The following SNTG1 variants were observed in gnomAD, a reference collection of about 807,000 sequenced individuals.
SNTG1 encodes the protein syntrophin gamma 1.
In SNTG1, 39 loss-of-function variants were observed where a neutral mutation model predicts 74.7. The ratio of observed to expected loss-of-function variants is 0.52; its 90% confidence interval spans 0.40 to 0.68. The LOEUF is 0.68. SNTG1 is among the 30% of genes least tolerant of loss of function. The pLI, the probability that SNTG1 is intolerant of heterozygous loss-of-function variation, is 0.00. For missense variants in SNTG1, 685 were observed against 609.5 expected, an observed-to-expected ratio of 1.12 and a Z score of -1.30; for synonymous variants, 254 against 217.1, an observed-to-expected ratio of 1.17 and a Z score of -1.49.
intron 2 of SNTG1, among the ~76,000 whole-genome samples, chr8:50,386,434 G>A (rs191332402): frequency 9.8e-5 from 10 of 102,262 alleles, no homozygotes; most frequent in Admixed American, 8.5e-4. Context: ...ATTCTTTGGG[G>A]GAGGCTGGGA....
chr8:50,594,522 A>G (rs1231664226), intron 13 of SNTG1, among the ~76,000 whole-genome samples: 1 of 152,104 alleles, frequency 6.6e-6, no homozygotes, highest in African/African-American at 2.4e-5. Flanking sequence ...TCTGGTAGCT[A>G]TTCCTATAGA....
intron 1 of SNTG1, among the ~76,000 whole-genome samples, chr8:49,947,201 T>C (rs1236445357): frequency 6.6e-6 from 1 of 152,108 alleles, no homozygotes; most frequent in Non-Finnish European, 1.5e-5. Context: ...CTTGGGAGGC[T>C]AAGGCAGGAG....
intron 8 of SNTG1, among the ~76,000 whole-genome samples, chr8:50,476,943 C>G (rs1284397871): frequency 6.6e-6 from 1 of 151,352 alleles, no homozygotes; most frequent in Non-Finnish European, 1.5e-5. Flanking sequence ...GCAAAGGAGC[C>G]AACTGAAAGA....
chr8:50,686,240 G>A (rs906445844), intron 15 of SNTG1, among the ~76,000 whole-genome samples: 1 of 152,126 alleles, frequency 6.6e-6, no homozygotes, highest in Admixed American at 6.6e-5. Flanking sequence ...TTCTTAACGA[G>A]ATAAAAGGAG....
chr8:50,276,546 A>G (rs1227069363), intron 2 of SNTG1, among the ~76,000 whole-genome samples: 1 of 151,976 alleles, frequency 6.6e-6, no homozygotes, highest in African/African-American at 2.4e-5. Flanking sequence ...CATTTTTTGT[A>G]AATTAAAAGC....
intron 2 of SNTG1, among the ~76,000 whole-genome samples, chr8:50,379,592 A>G (rs2092448119): frequency 6.6e-6 from 1 of 152,166 alleles, no homozygotes; most frequent in Non-Finnish European, 1.5e-5. Context: ...GCATGCAGCC[A>G]TGGCTGCACC....
At chr8:50,210,545 C>T (rs1586704672) in intron 2 of SNTG1, among the ~76,000 whole-genome samples, 5 of 152,296 alleles carry the variant, frequency 3.3e-5, no homozygotes, top group African/African-American at 1.2e-4. Context: ...AGAAACTGTA[C>T]AAGCCAGAAG....
intron 2 of SNTG1, among the ~76,000 whole-genome samples, chr8:50,356,659 G>A (rs1055012379): frequency 6.6e-6 from 1 of 152,052 alleles, no homozygotes; most frequent in African/African-American, 2.4e-5. Context: ...TCTTTTTCAA[G>A]TCCTTTTTTT....
intron 1 of SNTG1, among the ~76,000 whole-genome samples, chr8:50,092,478 C>T (rs1205310182): frequency 6.6e-6 from 1 of 152,132 alleles, no homozygotes; most frequent in Admixed American, 6.6e-5. Context: ...GGAATGATAA[C>T]AGGCAGATCC....
At chr8:50,516,613 G>A (rs901862867) in intron 9 of SNTG1, among the ~76,000 whole-genome samples, 2 of 152,182 alleles carry the variant, frequency 1.3e-5, no homozygotes, top group Non-Finnish European at 2.9e-5. Context: ...ACCTGATGGA[G>A]CTGAAAAACA....
intron 13 of SNTG1, among the ~76,000 whole-genome samples, chr8:50,592,309 G>T (rs2094696843): frequency 6.6e-6 from 1 of 152,112 alleles, no homozygotes; most frequent in South Asian, 2.1e-4. Flanking sequence ...AAAAAATGGT[G>T]AATTATTTTT....
intron 17 of SNTG1, among the ~76,000 whole-genome samples, chr8:50,735,007 C>A (rs2095524657): frequency 6.8e-6 from 1 of 147,510 alleles, no homozygotes. Context: ...ATATATATCT[C>A]AACCATGCAA....
intron 18 of SNTG1, among the ~76,000 whole-genome samples, chr8:50,785,521 G>T (rs1456894248): frequency 1.3e-5 from 2 of 151,958 alleles, no homozygotes; most frequent in African/African-American, 2.4e-5. Flanking sequence ...TATTGAAATG[G>T]TATTTTTAAA....
At chr8:50,578,517 G>A (rs967231980) in intron 12 of SNTG1, among the ~76,000 whole-genome samples, 2 of 152,176 alleles carry the variant, frequency 1.3e-5, no homozygotes, top group Admixed American at 6.5e-5. Context: ...TTTGGTGGGT[G>A]ATATGATTTG....
intron 3 of SNTG1, among the ~76,000 whole-genome samples, chr8:50,397,046 T>G (rs1167282006): frequency 6.6e-6 from 1 of 152,210 alleles, no homozygotes; most frequent in Non-Finnish European, 1.5e-5. Flanking sequence ...AAGCAAATAG[T>G]CTCCAATGTG....
At chr8:50,627,125 C>T (rs930951240) in intron 13 of SNTG1, among the ~76,000 whole-genome samples, 1 of 152,132 alleles carries the variant, frequency 6.6e-6, no homozygotes, top group Non-Finnish European at 1.5e-5. Context: ...AAACACCTCT[C>T]TTCATTTTGT....
intron 6 of SNTG1, among the ~76,000 whole-genome samples, chr8:50,450,211 T>C (rs2093443146): frequency 6.6e-6 from 1 of 152,224 alleles, no homozygotes; most frequent in South Asian, 2.1e-4. Context: ...GCCAATTCCA[T>C]AGCTGACGGA....
At chr8:50,284,703 T>A (rs1208967406) in intron 2 of SNTG1, among the ~76,000 whole-genome samples, 1 of 152,184 alleles carries the variant, frequency 6.6e-6, no homozygotes, top group Non-Finnish European at 1.5e-5. Context: ...CTTGGTGTTA[T>A]TTCATTGTGG....
chr8:50,016,190 C>T (rs554017446), intron 1 of SNTG1, among the ~76,000 whole-genome samples: 5 of 152,182 alleles, frequency 3.3e-5, no homozygotes, highest in African/African-American at 1.2e-4. Flanking sequence ...AGCTTCTTCT[C>T]AATGCAACCA....
Sources: gnomAD v4.1 joint callset for allele counts (sites outside exome capture counted in the v4.1 genomes callset) on GRCh38, gnomAD v4.1.1 for gene constraint, MANE v1.5 for transcripts, NCBI Gene and HGNC (gene_info 2026-07-23, HGNC 2026-07-21) for gene names.